BORCS5: variants seen among roughly 807,000 people sequenced by gnomAD.
BORCS5 encodes the protein BLOC-1 related complex subunit 5.
A neutral mutation model predicts 22.1 loss-of-function variants in BORCS5; 17 were observed. The ratio of observed to expected loss-of-function variants is 0.77; its 90% CI spans 0.53 to 1.15. The LOEUF is 1.15. Among genes scored for constraint, BORCS5 ranks in the 50% most tolerant of loss-of-function variants. The pLI is 0.00. For synonymous variants in BORCS5, 117 were observed against 99.8 expected (o/e 1.17, Z -1.03); for missense variants, 247 against 253.2 (o/e 0.98, Z 0.17).
In BORCS5 at chr12:12,414,436, A is replaced by AC. The variant is rs1309070907; in HGVS notation, c.203-21185dup. Among the ~76,000 whole-genome samples, 43 of 68,402 alleles carry AC rather than the reference A, an allele frequency of 6.3e-4. 1 individual carries two copies. The highest frequency in any genetic ancestry group is 2.2e-3 in the African/African-American group (40 of 18,042). 44.9% of individuals were successfully genotyped at this position (68,402 alleles called of 152,430 possible). On this transcript the variant is annotated intron_variant, in intron 2 of 3. Coordinates refer to ENST00000314565, the MANE Select transcript of BORCS5 (RefSeq NM_058169.6). ...GGGCGGCTGGCCGGGCGGGGGGCTG[A>AC]CCCCCCCACCTCCCTCCCGGACGGG...
intron 2 of BORCS5, among the ~76,000 whole-genome samples, chr12:12,392,174 A>T (rs985623390): frequency 6.6e-6 from 1 of 151,962 alleles, no homozygotes; most frequent in Non-Finnish European, 1.5e-5. Context: ...AATATGTAAC[A>T]AATACACACT....
intron 3 of BORCS5, chr12:12,452,051 C>T: frequency 2.5e-6 from 1 of 400,626 alleles, no homozygotes; most frequent in Non-Finnish European, 4.8e-6. Flanking sequence ...TTTTGGTAAA[C>T]TTACGTGACT....
chr12:12,397,914 T>C (rs140663333), intron 2 of BORCS5, among the ~76,000 whole-genome samples: 3 of 152,346 alleles, frequency 2.0e-5, no homozygotes, highest in African/African-American at 7.2e-5. Context: ...TTTTCCTTAC[T>C]ATCATATAGC....
intron 2 of BORCS5, among the ~76,000 whole-genome samples, chr12:12,382,607 C>A (rs1209048894): frequency 2.0e-5 from 3 of 146,764 alleles, no homozygotes; most frequent in Non-Finnish European, 3.0e-5. Context: ...ATCTCAGTTT[C>A]CTGCAACCTC....
chr12:12,357,722 G>T (rs1463670045), intron 1 of BORCS5, among the ~76,000 whole-genome samples: 3 of 152,170 alleles, frequency 2.0e-5, no homozygotes, highest in Admixed American at 1.3e-4. Context: ...GTGGGCGCCA[G>T]TGCCCTTATT....
rs546874817 is a variant in BORCS5, at chr12:12,418,328, A to G, written c.203-17300A>G. ...GCTGAGATTACAGGCGTGAGCCACC[A>G]CACCCGGCCTGAACCTTTTATTAAT... On this transcript the variant is annotated intron_variant, in intron 2 of 3. Transcript: ENST00000314565. 2.0e-4 allele frequency among the ~76,000 whole-genome samples: 31 copies of G among 151,658 alleles called. No homozygotes were observed. The South Asian group carries it at 3.5e-3, about 17-fold the overall frequency.
At chr12:12,415,907 G>A (rs1361431662) in intron 2 of BORCS5, among the ~76,000 whole-genome samples, 1 of 152,114 alleles carries the variant, frequency 6.6e-6, no homozygotes, top group African/African-American at 2.4e-5. Flanking sequence ...GTTTATGTTA[G>A]TTCTTTTAAA....
intron 2 of BORCS5, among the ~76,000 whole-genome samples, chr12:12,381,551 C>T (rs187205864): frequency 2.3e-4 from 35 of 151,562 alleles, no homozygotes; most frequent in Non-Finnish European, 3.8e-4. Context: ...TTCCATTGAT[C>T]TGTCCCATTT....
At chr12:12,415,496 A>G (rs1443965430) in intron 2 of BORCS5, among the ~76,000 whole-genome samples, 3 of 132,826 alleles carry the variant, frequency 2.3e-5, no homozygotes, top group Admixed American at 1.6e-4. Context: ...CCGAGATGGC[A>G]GCAGTACTGT....
chr12:12,445,659 T>A (rs563620602), intron 3 of BORCS5, among the ~76,000 whole-genome samples: 2 of 150,288 alleles, frequency 1.3e-5, no homozygotes, highest in African/African-American at 4.9e-5. Context: ...TTACAGAGAG[T>A]GTCTTGTTCT....
chr12:12,450,301 T>A (rs920556717), intron 3 of BORCS5, among the ~76,000 whole-genome samples: 13 of 152,190 alleles, frequency 8.5e-5, no homozygotes, highest in African/African-American at 3.1e-4. Context: ...ACCTCCTTCC[T>A]TTTACAGATG....
chr12:12,415,059 T>C (rs1182047312), intron 2 of BORCS5, among the ~76,000 whole-genome samples: 1 of 141,244 alleles, frequency 7.1e-6, no homozygotes, highest in African/African-American at 2.6e-5. Context: ...CTCCTCACTT[T>C]CCAGACTGGG....
At chr12:12,365,082 A>C (rs1387976834) in intron 2 of BORCS5, among the ~76,000 whole-genome samples, 1 of 152,236 alleles carries the variant, frequency 6.6e-6, no homozygotes, top group Admixed American at 6.5e-5. Flanking sequence ...GGACTTTGCC[A>C]CCAACTATTA....
rs1045628853 is a variant in BORCS5 at position 12,469,543 on chromosome 12, A to C, written c.*3767A>C. 6.6e-6 allele frequency: 1 copy of C among 152,244 alleles called. No homozygotes were observed. The highest frequency in any genetic ancestry group is 2.4e-5 in the African/African-American group (1 of 41,460). 9.4% of individuals were successfully genotyped at this position (152,244 alleles called of 1,614,324 possible). ...AACTCGGTTTTACAAGGTTACATAA[A>C]CTAATGGCCCTGGGGCGAATGACGT... On this transcript the variant is annotated 3_prime_UTR_variant, in exon 4 of 4. Coordinates refer to ENST00000314565, the MANE Select transcript of BORCS5 (RefSeq NM_058169.6).
intron 2 of BORCS5, among the ~76,000 whole-genome samples, chr12:12,403,357 C>T (rs972727534): frequency 2.0e-5 from 3 of 152,092 alleles, no homozygotes; most frequent in South Asian, 2.1e-4. Flanking sequence ...GGCTGTTTCA[C>T]TGTTAGAGGT....
chr12:12,462,179 AC>A (rs1284835502), intron 3 of BORCS5, among the ~76,000 whole-genome samples: 1 of 152,174 alleles, frequency 6.6e-6, no homozygotes, highest in African/African-American at 2.4e-5. Context: ...GCTCACACTT[AC>A]CCAGTGCTCA....
At chr12:12,388,225 T>C (rs1307456861) in intron 2 of BORCS5, among the ~76,000 whole-genome samples, 2 of 151,320 alleles carry the variant, frequency 1.3e-5, no homozygotes, top group East Asian at 3.8e-4. Flanking sequence ...TCTATACTTA[T>C]TTAAAACATT....
rs548843877 is a variant in BORCS5 at position 12,358,998 on chromosome 12, A to G, written c.58+1489A>G. On this transcript the variant is annotated intron_variant, in intron 1 of 3. Transcript: ENST00000314565. ...CTGGATTAACCTTTGAGATATGACTATAATGAGCCTGGGAATATTACCTTC... is the reference window on the plus strand; with the variant it reads ...CTGGATTAACCTTTGAGATATGACTGTAATGAGCCTGGGAATATTACCTTC... Among the ~76,000 whole-genome samples the G allele has an allele frequency of 5.3e-5, 8 of 152,352 alleles. No individual in the cohort carries two copies. The East Asian group carries it at 1.3e-3, about 26-fold the overall frequency.
intron 3 of BORCS5, among the ~76,000 whole-genome samples, chr12:12,440,717 T>C (rs1156446919): frequency 3.3e-5 from 5 of 152,046 alleles, no homozygotes; most frequent in Non-Finnish European, 5.9e-5. Context: ...TCAGGGACAC[T>C]GAAGAAACTG....
Sources: allele counts gnomAD v4.1 joint callset (sites outside exome capture counted in the v4.1 genomes callset), GRCh38; gene constraint gnomAD v4.1.1; transcripts MANE v1.5; gene names NCBI Gene and HGNC (gene_info 2026-07-23, HGNC 2026-07-21).